The following EFL1 variants were observed in gnomAD, a reference collection of about 807,000 sequenced individuals.
EFL1 encodes the protein elongation factor like GTPase 1, also known as elongation factor-like GTPase 1.
A neutral mutation model predicts 126.7 loss-of-function variants in EFL1; 76 were observed. The ratio of observed to expected loss-of-function variants is 0.60; its 90% CI spans 0.50 to 0.73. The LOEUF is 0.73. Among genes scored for constraint, EFL1 ranks in the 30% least tolerant of loss-of-function variants. The pLI is 0.00. For synonymous variants in EFL1, 410 were observed against 448.4 expected, an observed-to-expected ratio of 0.91 and a Z score of 1.08; for missense variants, 1,128 against 1,343.2, an observed-to-expected ratio of 0.84 and a Z score of 2.50.
chr15:82,186,505 C>T (rs915236812), intron 15 of EFL1, among the ~76,000 whole-genome samples: 1 of 152,182 alleles, frequency 6.6e-6, no homozygotes, highest in Non-Finnish European at 1.5e-5. Flanking sequence ...CCAGGTGTTC[C>T]AGTTTCACTG....
At chr15:82,157,936 G>A in intron 16 of EFL1, 76 bp from the exon 17 acceptor site, 2 of 1,408,714 alleles carry the variant, frequency 1.4e-6, no homozygotes, top group South Asian at 1.5e-5. Flanking sequence ...TCTGGCTACT[G>A]AAGGGAAAAT....
chr15:82,131,148 A>G (rs2073638666), intron 19 of EFL1, among the ~76,000 whole-genome samples: 1 of 152,224 alleles, frequency 6.6e-6, no homozygotes, highest in Non-Finnish European at 1.5e-5. Flanking sequence ...AAAGAAAACT[A>G]TTAATTTTTC....
rs372757227 is a variant in EFL1 at position 82,136,693 on chromosome 15, T to A, written c.3174+1965A>T. ...CTTATATTTCTTACTTGGTTTGTGT[T>A]CTTATGTAAAAGTTGAATGCCAAAA... On this transcript the variant is annotated intron_variant, in intron 19 of 19. Transcript: ENST00000268206. Among the ~76,000 whole-genome samples, 10 of 152,332 alleles carry A rather than the reference T, an allele frequency of 6.6e-5. No homozygotes were observed. In the East Asian group the frequency reaches 1.9e-3, roughly 29 times the overall value.
At chr15:82,170,106 CTTTTTTTTTTTTT>C (rs760955432) in intron 15 of EFL1, among the ~76,000 whole-genome samples, 1,809 of 78,894 alleles carry the variant, frequency 0.023, 35 homozygotes, top group Middle Eastern at 0.062. Flanking sequence ...CACTGGATGT[CTTTTTTTTTTTTT>C]TTTTTTTTTT....
rs200941739 is a variant in EFL1 at position 82,191,034 on chromosome 15, AG to A, written c.1750+23682del. Among the ~76,000 whole-genome samples, 832 of 150,308 alleles carry A rather than the reference AG, an allele frequency of 5.5e-3. 5 individuals are homozygous for A. The highest frequency in any genetic ancestry group is 0.014 in the Middle Eastern group (4 of 290). On this transcript the variant is annotated intron_variant, in intron 15 of 19. Coordinates refer to ENST00000268206, the MANE Select transcript of EFL1 (RefSeq NM_024580.6). Reference sequence around the variant, plus strand: ...GTATCCCTACTGTAATAAAAAAAAAAGGGGGGGGAGTTTATTTTGTCAAGTA... The same window carrying A: ...GTATCCCTACTGTAATAAAAAAAAAAGGGGGGGAGTTTATTTTGTCAAGTA...
chr15:82,242,006 T>C (rs193023864), intron 4 of EFL1, among the ~76,000 whole-genome samples: 43 of 152,306 alleles, frequency 2.8e-4, no homozygotes, highest in South Asian at 1.0e-3. Context: ...ATTAAACTTA[T>C]AGTAGGGTGA....
intron 15 of EFL1, among the ~76,000 whole-genome samples, chr15:82,165,769 C>T (rs1183704634): frequency 6.6e-6 from 1 of 152,228 alleles, no homozygotes; most frequent in Non-Finnish European, 1.5e-5. Flanking sequence ...ATCCTTTTAA[C>T]TCTGTTCTGC....
chr15:82,192,396 C>A (rs2074368374), intron 15 of EFL1, among the ~76,000 whole-genome samples: 2 of 133,062 alleles, frequency 1.5e-5, no homozygotes, highest in African/African-American at 3.2e-5. Flanking sequence ...AGTGAAATTC[C>A]GTCTCAAAAA....
intron 17 of EFL1, among the ~76,000 whole-genome samples, chr15:82,156,681 G>C (rs1389225846): frequency 6.6e-6 from 1 of 152,008 alleles, no homozygotes; most frequent in African/African-American, 2.4e-5. Flanking sequence ...GATAAATAGT[G>C]CTTAACACAG....
chr15:82,144,626 C>A (rs2073823345), intron 18 of EFL1, among the ~76,000 whole-genome samples: 1 of 152,180 alleles, frequency 6.6e-6, no homozygotes, highest in Non-Finnish European at 1.5e-5. Context: ...TTGGCACATG[C>A]AGCTCATTAA....
intron 15 of EFL1, among the ~76,000 whole-genome samples, chr15:82,204,190 T>C (rs1186646701): frequency 6.6e-6 from 1 of 152,216 alleles, no homozygotes; most frequent in Admixed American, 6.5e-5. Flanking sequence ...CAGGTCATAC[T>C]AGAAACATGT....
At chr15:82,132,319 AGTTG>A (rs1426731203) in intron 19 of EFL1, among the ~76,000 whole-genome samples, 65 of 152,242 alleles carry the variant, frequency 4.3e-4, no homozygotes, top group South Asian at 2.5e-3. Flanking sequence ...CAGCAACAGC[AGTTG>A]CTGGGACACA....
At chr15:82,136,066 T>C (rs1430505130) in intron 19 of EFL1, among the ~76,000 whole-genome samples, 1 of 152,006 alleles carries the variant, frequency 6.6e-6, no homozygotes, top group Non-Finnish European at 1.5e-5. Context: ...CTAACTAATA[T>C]ATCTGACAAC....
intron 19 of EFL1, among the ~76,000 whole-genome samples, chr15:82,132,682 G>GGC (rs1555423073): frequency 2.5e-4 from 4 of 16,154 alleles, no homozygotes; most frequent in African/African-American, 1.3e-3. Context: ...TCCAGGAATT[G>GGC]GGGGGGGGGG....
intron 15 of EFL1, among the ~76,000 whole-genome samples, chr15:82,170,586 C>A (rs1203608596): frequency 6.6e-6 from 1 of 152,168 alleles, no homozygotes; most frequent in African/African-American, 2.4e-5. Flanking sequence ...AAAGTTCTAA[C>A]CTTATGCAAT....
At position 82,231,168 on chromosome 15, in the gene EFL1, G is replaced by A. The variant is rs72749593; in HGVS notation, c.732-197C>T. On this transcript the variant is annotated intron_variant, in intron 7 of 19. Coordinates refer to ENST00000268206, the MANE Select transcript of EFL1 (RefSeq NM_024580.6). ...GTGAGGTGGGGATTTAAATCCAAGC[G>A]GTCTGGCTCCAAAGCCCATGTTCAG... 7.0e-3 allele frequency among the ~76,000 whole-genome samples: 1,067 copies of A among 152,048 alleles called. 9 individuals are homozygous for A. The highest frequency in any genetic ancestry group is 8.2e-3 in the Non-Finnish European group (559 of 67,974).
intron 2 of EFL1, among the ~76,000 whole-genome samples, chr15:82,260,439 AC>A (rs1339023106): frequency 6.6e-6 from 1 of 152,152 alleles, no homozygotes; most frequent in Non-Finnish European, 1.5e-5. Flanking sequence ...GACAACAGCC[AC>A]CTAATCTCTG....
At chr15:82,164,151 T>C (rs1004078290) in intron 15 of EFL1, among the ~76,000 whole-genome samples, 167 bp from the exon 16 acceptor site, 1 of 151,960 alleles carries the variant, frequency 6.6e-6, no homozygotes, top group Non-Finnish European at 1.5e-5. Flanking sequence ...TACACCTGGA[T>C]ACCATTTGAT....
At chr15:82,137,952 AC>A (rs1432704981) in intron 19 of EFL1, among the ~76,000 whole-genome samples, 2 of 151,938 alleles carry the variant, frequency 1.3e-5, no homozygotes, top group Non-Finnish European at 2.9e-5. Context: ...TATCTTTGCC[AC>A]TTGTTATTCT....
Sources: gnomAD v4.1 joint callset for allele counts (sites outside exome capture counted in the v4.1 genomes callset) on GRCh38, gnomAD v4.1.1 for gene constraint, MANE v1.5 for transcripts, NCBI Gene and HGNC (gene_info 2026-07-23, HGNC 2026-07-21) for gene names.